Variants in CCNY observed in about 807,000 individuals in gnomAD.
CCNY encodes the protein cyclin-Y.
A neutral mutation model predicts 42.8 loss-of-function variants in CCNY; 19 were observed. The ratio of observed to expected loss-of-function variants is 0.44; its 90% CI spans 0.31 to 0.65. The LOEUF (loss-of-function observed/expected upper bound fraction) is 0.65. Among genes scored for constraint, CCNY ranks in the 30% least tolerant of loss-of-function variants. The pLI, the probability that CCNY is intolerant of heterozygous loss-of-function variation, is 0.07. For synonymous variants in CCNY, 165 were observed against 162.7 expected, an observed-to-expected ratio of 1.01 and a Z score of -0.11; for missense variants, 370 against 437.3, an observed-to-expected ratio of 0.85 and a Z score of 1.37.
chr10:35,334,724 CG>C (rs1279448360), upstream of CCNY, among the ~76,000 whole-genome samples: 1 of 152,084 alleles, frequency 6.6e-6, no homozygotes, highest in Non-Finnish European at 1.5e-5. Flanking sequence ...GAGCATGGAG[CG>C]TTTAAAATAT....
intron 1 of CCNY, among the ~76,000 whole-genome samples, chr10:35,415,333 G>A (rs1838000745): frequency 6.6e-6 from 1 of 151,828 alleles, no homozygotes; most frequent in African/African-American, 2.4e-5. Context: ...TGGTCCTGAC[G>A]GCAGGTGGGC....
At chr10:35,502,150 C>T (rs1840123399) in intron 3 of CCNY, among the ~76,000 whole-genome samples, 2 of 152,230 alleles carry the variant, frequency 1.3e-5, no homozygotes, top group East Asian at 1.9e-4. Flanking sequence ...CCTCTTCCTT[C>T]CTTGAGCAGA....
chr10:35,515,890 A>C (rs1167321933), intron 3 of CCNY, among the ~76,000 whole-genome samples: 2 of 152,248 alleles, frequency 1.3e-5, no homozygotes, highest in Non-Finnish European at 2.9e-5. Flanking sequence ...AGAACCTGTC[A>C]TAAGACCACA....
At chr10:35,480,956 AC>A (rs1260820148) in intron 1 of CCNY, among the ~76,000 whole-genome samples, 1 of 152,184 alleles carries the variant, frequency 6.6e-6, no homozygotes, top group Admixed American at 6.5e-5. Context: ...ACAGCGCAAG[AC>A]CCCATCTCAA....
At chr10:35,263,841 C>G (rs562138860) in intron 3 of CCNY, among the ~76,000 whole-genome samples, 1 of 152,272 alleles carries the variant, frequency 6.6e-6, no homozygotes, top group East Asian at 1.9e-4. Context: ...TTTTCCTACT[C>G]CCCCAACAGG....
At chr10:35,561,269 C>T (rs1841461067) in intron 8 of CCNY, among the ~76,000 whole-genome samples, 1 of 152,200 alleles carries the variant, frequency 6.6e-6, no homozygotes, top group Admixed American at 6.5e-5. Flanking sequence ...GGGTGGGAGG[C>T]GTTTGGGCAG....
At chr10:35,393,311 G>A (rs1837454454) in intron 1 of CCNY, among the ~76,000 whole-genome samples, 1 of 152,056 alleles carries the variant, frequency 6.6e-6, no homozygotes, top group South Asian at 2.1e-4. Context: ...CTCAAACCTT[G>A]CTGTCCGGGC....
At position 35,301,129 on chromosome 10, in the gene CCNY, G is replaced by T. The variant is rs191906995; in HGVS notation, c.-9+50503G>T. Among the ~76,000 whole-genome samples the T allele has an allele frequency of 3.9e-5, 6 of 152,266 alleles. No homozygotes were observed. The East Asian group carries it at 9.6e-4, about 24-fold the overall frequency. Reference sequence around the variant, plus strand: ...GACTATTATACCCATTTAAATAGGAGAAAAGATGCTTTAGAGAGATCACAC... The same window carrying T: ...GACTATTATACCCATTTAAATAGGATAAAAGATGCTTTAGAGAGATCACAC... On this transcript the variant is annotated intron_variant, in intron 3 of 11. Coordinates refer to the CCNY transcript ENST00000374706.
At chr10:35,547,989 A>G (rs1392561643) in intron 7 of CCNY, among the ~76,000 whole-genome samples, 1 of 152,044 alleles carries the variant, frequency 6.6e-6, no homozygotes, top group Admixed American at 6.6e-5. Flanking sequence ...ACTACAGCTT[A>G]TTGGCTATTT....
At chr10:35,416,188 T>G (rs1838020757) in intron 1 of CCNY, among the ~76,000 whole-genome samples, 1 of 151,892 alleles carries the variant, frequency 6.6e-6, no homozygotes, top group South Asian at 2.1e-4. Flanking sequence ...TGTGTGTGTG[T>G]GTGTGTCCTT....
chr10:35,337,224 G>C lies in CCNY; in HGVS notation c.154+17G>C, dbSNP rs1427254786. The C allele has an allele frequency of 6.0e-6, 9 of 1,505,584 alleles. No individual in the cohort carries two copies. Among genetic ancestry groups the C allele is most frequent in the Non-Finnish European group, 8.0e-6 (9 of 1,122,490 alleles). The allele number at this position is 1,505,584 out of a possible 1,614,324, so 93.3% of individuals were successfully genotyped here. On this transcript the variant is annotated intron_variant, in intron 1 of 9. Transcript: ENST00000374704. Reference sequence around the variant, plus strand: ...ACATAGACGGTGAGTGCGGCCCGCCGAGCCCCCTACCCGCCCCCGCGGCAA... The same window carrying C: ...ACATAGACGGTGAGTGCGGCCCGCCCAGCCCCCTACCCGCCCCCGCGGCAA...
At chr10:35,298,594 C>T (rs1209048700) in intron 3 of CCNY, among the ~76,000 whole-genome samples, 1 of 152,146 alleles carries the variant, frequency 6.6e-6, no homozygotes, top group Non-Finnish European at 1.5e-5. Context: ...TGGCTCACTG[C>T]AGCTTCAAAC....
chr10:35,446,735 G>A (rs1013030052), intron 1 of CCNY, among the ~76,000 whole-genome samples: 1 of 152,178 alleles, frequency 6.6e-6, no homozygotes, highest in Non-Finnish European at 1.5e-5. Context: ...GACAGTGCTG[G>A]GTTGCTCCTC....
At chr10:35,251,630 G>A (rs2095712119) in intron 3 of CCNY, among the ~76,000 whole-genome samples, 1 of 145,228 alleles carries the variant, frequency 6.9e-6, no homozygotes, top group Non-Finnish European at 1.5e-5. Flanking sequence ...GCTCTGTCAT[G>A]CAGGCTGGAA....
chr10:35,431,624 G>A (rs917255087), intron 1 of CCNY, among the ~76,000 whole-genome samples: 4 of 151,498 alleles, frequency 2.6e-5, no homozygotes, highest in South Asian at 2.1e-4. Context: ...TTTTAACTTC[G>A]TTTTCATTGA....
intron 1 of CCNY, among the ~76,000 whole-genome samples, chr10:35,358,215 C>CTT (rs34172111): frequency 5.2e-5 from 7 of 135,580 alleles, no homozygotes; most frequent in East Asian, 4.3e-4. Context: ...TTAAGCAAGT[C>CTT]TTTTTTTTTT....
At chr10:35,376,327 A>G (rs1282961980) in intron 1 of CCNY, among the ~76,000 whole-genome samples, 1 of 152,234 alleles carries the variant, frequency 6.6e-6, no homozygotes, top group Non-Finnish European at 1.5e-5. Flanking sequence ...TGCCGAAGAT[A>G]ACTGAAAACA....
intron 3 of CCNY, among the ~76,000 whole-genome samples, chr10:35,271,854 G>A (rs985313381): frequency 5.9e-5 from 9 of 152,236 alleles, no homozygotes; most frequent in African/African-American, 2.2e-4. Context: ...TCTTTCTGTT[G>A]TACTTGAGGT....
At chr10:35,370,962 G>A (rs1180005539) in intron 1 of CCNY, among the ~76,000 whole-genome samples, 4 of 152,158 alleles carry the variant, frequency 2.6e-5, no homozygotes, top group South Asian at 2.1e-4. Flanking sequence ...TGATCCGTCC[G>A]CCTCGGCCTC....
Sources: gnomAD v4.1 joint callset for allele counts (sites outside exome capture counted in the v4.1 genomes callset) on GRCh38, gnomAD v4.1.1 for gene constraint, MANE v1.5 for transcripts, NCBI Gene and HGNC (gene_info 2026-07-23, HGNC 2026-07-21) for gene names.